Variants in NRF1 observed in about 807,000 individuals in gnomAD.
The protein encoded by NRF1 is nuclear respiratory factor 1.
Under a neutral mutation model 58.5 loss-of-function variants are expected in NRF1, and 5 were observed. The ratio of observed to expected loss-of-function variants is 0.09; its 90% CI spans 0.04 to 0.18. The LOEUF is 0.18. NRF1 is among the 10% of genes least tolerant of loss of function. The probability of loss-of-function intolerance (pLI) is 1.00; values close to 1 mark genes in which losing one functional copy is unlikely to be tolerated. For missense variants in NRF1, 288 were observed against 657.7 expected (o/e 0.44, Z 6.15); for synonymous variants, 224 against 246.7 (o/e 0.91, Z 0.86).
chr7:129,751,995 GC>G (rs1277657332), intron 10 of NRF1, among the ~76,000 whole-genome samples: 2 of 152,228 alleles, frequency 1.3e-5, no homozygotes, highest in African/African-American at 2.4e-5. Flanking sequence ...GTTGGTTGAG[GC>G]CAGCAGTACA....
Position 129,735,712 on chromosome 7 carries a change from C to G in NRF1, c.1348+8347C>G, listed in dbSNP as rs183648646. On this transcript the variant is annotated intron_variant, in intron 10 of 10. Coordinates refer to ENST00000393232, the MANE Select transcript of NRF1 (RefSeq NM_005011.5). ...CCTTAAGACTTCAACGTCATATTTT[C>G]TGAAACTATAAGACCACCGGGCGCG... Among the ~76,000 whole-genome samples the G allele has an allele frequency of 9.1e-4, 137 of 150,886 alleles. 3 individuals carry two copies. The highest frequency in any genetic ancestry group is 7.5e-3 in the Admixed American group (113 of 15,160).
At chr7:129,714,153 G>T (rs1054723811) in intron 8 of NRF1, among the ~76,000 whole-genome samples, 3 of 152,158 alleles carry the variant, frequency 2.0e-5, no homozygotes, top group Non-Finnish European at 2.9e-5. Context: ...ATCACCTGCC[G>T]TGTTTCTGAT....
At chr7:129,690,586 G>A in intron 5 of NRF1, 40 bp downstream of exon 5, 3 of 1,611,580 alleles carry the variant, frequency 1.9e-6, no homozygotes, top group African/African-American at 2.7e-5. Flanking sequence ...AAAGACAAGT[G>A]GCACAGGTGT....
rs1054576775 is a variant in NRF1, at chr7:129,633,986, A to G, written c.-7+22162A>G. On this transcript the variant is annotated intron_variant, in intron 1 of 10. Transcript: ENST00000393232. ...CTGAAAATCCCTGTACCCCACTTTG[A>G]CCGTGATTTTTTAAGGGAATATTGT... Among the ~76,000 whole-genome samples the G allele has an allele frequency of 2.0e-5, 3 of 147,538 alleles. No individual in the cohort carries two copies. The Admixed American group carries it at 2.1e-4, about 10-fold the overall frequency.
intron 10 of NRF1, among the ~76,000 whole-genome samples, chr7:129,745,768 C>T (rs544158728): frequency 2.0e-5 from 3 of 152,294 alleles, no homozygotes; most frequent in Admixed American, 6.5e-5. Context: ...CGTTTCATAA[C>T]GCTCCTGGGC....
chr7:129,615,743 TTTCC>T (rs1396893431), intron 1 of NRF1, among the ~76,000 whole-genome samples: 1 of 152,238 alleles, frequency 6.6e-6, no homozygotes, highest in Non-Finnish European at 1.5e-5. Context: ...GTGTATCATA[TTTCC>T]TTCCTTATTA....
intron 10 of NRF1, among the ~76,000 whole-genome samples, chr7:129,752,677 C>A (rs1423893656): frequency 6.6e-6 from 1 of 151,720 alleles, no homozygotes; most frequent in African/African-American, 2.4e-5. Flanking sequence ...CATAGTGAGA[C>A]CTCGTCACTA....
intron 10 of NRF1, among the ~76,000 whole-genome samples, chr7:129,750,526 G>A (rs974443266): frequency 2.0e-5 from 3 of 152,082 alleles, no homozygotes; most frequent in Non-Finnish European, 4.4e-5. Flanking sequence ...TTTATTTAAG[G>A]TGGCAGTAGA....
intron 1 of NRF1, among the ~76,000 whole-genome samples, chr7:129,618,112 G>A (rs966799098): frequency 6.6e-6 from 1 of 152,158 alleles, no homozygotes; most frequent in Non-Finnish European, 1.5e-5. Flanking sequence ...GATGTAAAAG[G>A]ACATCGATTC....
At chr7:129,707,936 T>C (rs1308904787) in intron 5 of NRF1, among the ~76,000 whole-genome samples, 2 of 152,218 alleles carry the variant, frequency 1.3e-5, no homozygotes, top group Non-Finnish European at 1.5e-5. Flanking sequence ...GAATACCTGA[T>C]ATTTATAGAA....
chr7:129,744,059 G>A, intron 10 of NRF1: 2 of 922,150 alleles, frequency 2.2e-6, no homozygotes, highest in East Asian at 5.4e-5. Flanking sequence ...GCGAGGCTGT[G>A]CACCCTGCAC....
chr7:129,631,178 C>A (rs1218260652), intron 1 of NRF1, among the ~76,000 whole-genome samples: 1 of 151,992 alleles, frequency 6.6e-6, no homozygotes, highest in Non-Finnish European at 1.5e-5. Context: ...TAGCAAGAGA[C>A]CCAGGGACAT....
chr7:129,671,637 C>G, intron 3 of NRF1, 94 bp downstream of exon 3: 1 of 686,694 alleles, frequency 1.5e-6, no homozygotes, highest in African/African-American at 1.8e-5. Flanking sequence ...GTCAAGGATG[C>G]TTGGTTCGAT....
Position 129,660,834 on chromosome 7 carries a change from C to G in NRF1, c.223+3260C>G, listed in dbSNP as rs939120723. On this transcript the variant is annotated intron_variant, in intron 2 of 10. Coordinates refer to ENST00000393232, the MANE Select transcript of NRF1 (RefSeq NM_005011.5). Reference sequence around the variant, plus strand: ...GGACAGTGGCCCTCTTCTCACAGCTCTACTAGGCAGTGCCCCCGAAGGGAC... The same window carrying G: ...GGACAGTGGCCCTCTTCTCACAGCTGTACTAGGCAGTGCCCCCGAAGGGAC... Among the ~76,000 whole-genome samples the G allele has an allele frequency of 2.6e-5, 4 of 150,946 alleles. 1 individual carries two copies. Among genetic ancestry groups the G allele is most frequent in the Admixed American group, 1.3e-4 (2 of 15,250 alleles).
chr7:129,677,987 C>T (rs1319780796), intron 4 of NRF1, among the ~76,000 whole-genome samples: 3 of 62,134 alleles, frequency 4.8e-5, no homozygotes, highest in Admixed American at 4.5e-4. Flanking sequence ...AATGGGTGGC[C>T]GGGGGAAGGG....
chr7:129,676,431 A>G (rs933556570), intron 3 of NRF1, among the ~76,000 whole-genome samples: 1 of 152,210 alleles, frequency 6.6e-6, no homozygotes, highest in African/African-American at 2.4e-5. Context: ...CTTAGAGGCC[A>G]TTGTAGGGTT....
At chr7:129,619,429 T>TACACAC (rs1384098912) in intron 1 of NRF1, among the ~76,000 whole-genome samples, 347 of 75,050 alleles carry the variant, frequency 4.6e-3, no homozygotes, top group Non-Finnish European at 5.8e-3. Flanking sequence ...TATATATATA[T>TACACAC]ATATACACAC....
At chr7:129,698,814 T>C (rs576809627) in intron 5 of NRF1, among the ~76,000 whole-genome samples, 1 of 152,336 alleles carries the variant, frequency 6.6e-6, no homozygotes, top group East Asian at 1.9e-4. Context: ...TTCAAGGAAT[T>C]GCATAGCTTC....
intron 1 of NRF1, among the ~76,000 whole-genome samples, chr7:129,648,828 T>A (rs1801470954): frequency 6.6e-6 from 1 of 152,206 alleles, no homozygotes; most frequent in East Asian, 1.9e-4. Context: ...TCATAACTTT[T>A]ACCTGCTGTT....
Sources: gnomAD v4.1 joint callset for allele counts (sites outside exome capture counted in the v4.1 genomes callset) on GRCh38, gnomAD v4.1.1 for gene constraint, MANE v1.5 for transcripts, NCBI Gene and HGNC (gene_info 2026-07-23, HGNC 2026-07-21) for gene names.